The following OSBPL1A variants were observed in gnomAD, a reference collection of about 807,000 sequenced individuals.
OSBPL1A encodes the protein oxysterol binding protein like 1A.
In OSBPL1A, 80 loss-of-function variants were observed where a neutral mutation model predicts 137.1. The observed-to-expected ratio is 0.58, with a 90% CI of 0.49 to 0.70. The LOEUF (loss-of-function observed/expected upper bound fraction) is 0.70. Ranked by LOEUF, OSBPL1A falls within the 30% of genes least tolerant of loss-of-function variation. OSBPL1A has a pLI of 0.00. For synonymous variants in OSBPL1A, 365 were observed against 389.7 expected, an observed-to-expected ratio of 0.94 and a Z score of 0.75; for missense variants, 970 against 1,129.4, an observed-to-expected ratio of 0.86 and a Z score of 2.02.
intron 17 of OSBPL1A, among the ~76,000 whole-genome samples, chr18:24,222,413 A>ATTGG (rs1380074591): frequency 6.6e-6 from 1 of 152,152 alleles, no homozygotes; most frequent in Non-Finnish European, 1.5e-5. Context: ...TTTACCAAAT[A>ATTGG]TAATAAGTTG....
intron 7 of OSBPL1A, among the ~76,000 whole-genome samples, chr18:24,331,590 G>T (rs1168201717): frequency 6.6e-6 from 1 of 151,502 alleles, no homozygotes; most frequent in East Asian, 1.9e-4. Flanking sequence ...TAGAGACGGG[G>T]TTTCACCGTG....
At chr18:24,374,692 A>G (rs914347419) in intron 2 of OSBPL1A, among the ~76,000 whole-genome samples, 3 of 152,164 alleles carry the variant, frequency 2.0e-5, no homozygotes, top group African/African-American at 7.2e-5. Flanking sequence ...TGAACCAGCA[A>G]GCCTAGGCCA....
chr18:24,234,294 C>G (rs2088373156), intron 16 of OSBPL1A, among the ~76,000 whole-genome samples: 1 of 152,126 alleles, frequency 6.6e-6, no homozygotes, highest in South Asian at 2.1e-4. Context: ...ACAGCTATAT[C>G]CGAAATTTCA....
At position 24,239,224 on chromosome 18, in the gene OSBPL1A, C is replaced by T; in HGVS notation, c.1440G>A (p.Leu480=). The T allele has an allele frequency of 6.2e-7, 1 of 1,613,226 alleles. No homozygotes were observed. The highest frequency in any genetic ancestry group is 1.1e-5 in the South Asian group (1 of 90,890). Reference sequence around the variant, plus strand: ...AGGGAAGGATCCCAGAGTTACCTGACAGCGCATCATAGAACTCGTCCTCGC... The same window carrying T: ...AGGGAAGGATCCCAGAGTTACCTGATAGCGCATCATAGAACTCGTCCTCGC... ...ILSEDEFYDA[L]SDSESERSLS... is the part of the protein sequence containing the mutation. Residue 480 remains leucine, a synonymous_variant, in exon 16 of 28, where the codon CTG becomes CTA. Coordinates refer to ENST00000319481, the MANE Select transcript of OSBPL1A (RefSeq NM_080597.4).
chr18:24,192,922 G>C (rs1017088371), intron 18 of OSBPL1A, among the ~76,000 whole-genome samples: 4 of 152,214 alleles, frequency 2.6e-5, no homozygotes, highest in African/African-American at 9.6e-5. Context: ...CTCTGGTTGA[G>C]TGTGGAATTG....
At chr18:24,164,224 C>T (rs530002374) in intron 27 of OSBPL1A, among the ~76,000 whole-genome samples, 11 of 152,062 alleles carry the variant, frequency 7.2e-5, no homozygotes, top group African/African-American at 1.2e-4. Context: ...CAACAGGATA[C>T]GAGAAAATGT....
chr18:24,204,602 T>G (rs1032718859), intron 17 of OSBPL1A, among the ~76,000 whole-genome samples: 23 of 151,462 alleles, frequency 1.5e-4, no homozygotes, highest in Non-Finnish European at 1.0e-4. Flanking sequence ...CTCTAAATGA[T>G]ATATATATAT....
chr18:24,329,080 G>T (rs1478183146), intron 7 of OSBPL1A, among the ~76,000 whole-genome samples: 1 of 152,110 alleles, frequency 6.6e-6, no homozygotes, highest in Non-Finnish European at 1.5e-5. Flanking sequence ...TCCTATTGAT[G>T]TCAATAAAGC....
intron 27 of OSBPL1A, among the ~76,000 whole-genome samples, chr18:24,163,486 CA>C (rs1033533354): frequency 6.6e-6 from 1 of 152,128 alleles, no homozygotes; most frequent in South Asian, 2.1e-4. Flanking sequence ...GTAATGATAC[CA>C]TGCAAAAGGC....
chr18:24,263,276 T>C (rs1325030792), intron 15 of OSBPL1A, among the ~76,000 whole-genome samples: 1 of 152,204 alleles, frequency 6.6e-6, no homozygotes, highest in Non-Finnish European at 1.5e-5. Flanking sequence ...TGTCAGTATG[T>C]ATATTTACTT....
At chr18:24,324,812 G>A (rs1276058107) in intron 7 of OSBPL1A, among the ~76,000 whole-genome samples, 2 of 145,950 alleles carry the variant, frequency 1.4e-5, no homozygotes, top group African/African-American at 5.1e-5. Context: ...AAGAGGCCAG[G>A]TGCAGTGGCT....
At chr18:24,246,939 TG>T (rs1240597072) in intron 15 of OSBPL1A, among the ~76,000 whole-genome samples, 36 of 152,100 alleles carry the variant, frequency 2.4e-4, no homozygotes, top group African/African-American at 8.2e-4. Flanking sequence ...AGACTGACTA[TG>T]TGATATAAGA....
chr18:24,328,301 C>A (rs1170617828), intron 7 of OSBPL1A, among the ~76,000 whole-genome samples: 2 of 143,570 alleles, frequency 1.4e-5, no homozygotes, highest in African/African-American at 5.2e-5. Flanking sequence ...ACCTCATGAT[C>A]CGCCCGCCTC....
At chr18:24,205,922 G>A (rs1051971468) in intron 17 of OSBPL1A, among the ~76,000 whole-genome samples, 7 of 152,092 alleles carry the variant, frequency 4.6e-5, no homozygotes, top group South Asian at 2.1e-4. Context: ...ACAGAGTCTC[G>A]ATCTGTCACC....
At chr18:24,204,885 T>C (rs2087326836) in intron 17 of OSBPL1A, among the ~76,000 whole-genome samples, 1 of 152,210 alleles carries the variant, frequency 6.6e-6, no homozygotes, top group African/African-American at 2.4e-5. Context: ...CAAAAGACCC[T>C]TGATCATTGA....
At chr18:24,170,560 T>G (rs2086252923) in intron 23 of OSBPL1A, 107 bp from the exon 24 acceptor site, 1 of 1,252,092 alleles carries the variant, frequency 8.0e-7, no homozygotes, top group Non-Finnish European at 1.1e-6. Context: ...TAACCAGGCC[T>G]GACCCTGCTT....
At chr18:24,288,371 G>C (rs2090108840) in intron 14 of OSBPL1A, among the ~76,000 whole-genome samples, 1 of 152,190 alleles carries the variant, frequency 6.6e-6, no homozygotes, top group Non-Finnish European at 1.5e-5. Context: ...TATACCCTAA[G>C]GCACTGAATG....
chr18:24,222,559 C>T lies in OSBPL1A; in HGVS notation c.1601+2483G>A, dbSNP rs191465648. ...TGTAAATATAAACCTGACTACACTA[C>T]GGTGTCCACTAATTTTCCACAAAGC... On this transcript the variant is annotated intron_variant, in intron 17 of 27. Coordinates refer to ENST00000319481, the MANE Select transcript of OSBPL1A (RefSeq NM_080597.4). 2.9e-3 allele frequency among the ~76,000 whole-genome samples: 440 copies of T among 152,190 alleles called. 3 individuals are homozygous for T. Among genetic ancestry groups the T allele is most frequent in the Middle Eastern group, 0.01 (3 of 294 alleles).
At chr18:24,390,472 A>G (rs1205222223) in intron 1 of OSBPL1A, among the ~76,000 whole-genome samples, 2 of 152,122 alleles carry the variant, frequency 1.3e-5, no homozygotes, top group Non-Finnish European at 2.9e-5. Flanking sequence ...GCAGGCGATC[A>G]CTTGAGGTCA....
Sources: gnomAD v4.1 joint callset for allele counts (sites outside exome capture counted in the v4.1 genomes callset) on GRCh38, gnomAD v4.1.1 for gene constraint, MANE v1.5 for transcripts, NCBI Gene and HGNC (gene_info 2026-07-23, HGNC 2026-07-21) for gene names.